The following CNOT8 variants were observed in gnomAD, a reference collection of about 807,000 sequenced individuals.
The protein encoded by CNOT8 is CCR4-NOT transcription complex subunit 8.
A neutral mutation model predicts 34.6 loss-of-function variants in CNOT8; 18 were observed. The observed-to-expected ratio is 0.52, with a 90% CI of 0.36 to 0.77. The LOEUF (loss-of-function observed/expected upper bound fraction) is 0.77, where lower values mean the gene tolerates loss of function less well. CNOT8 is among the 30% of genes least tolerant of loss of function. CNOT8 has a pLI of 0.00. For synonymous variants in CNOT8, 101 were observed against 118.8 expected (o/e 0.85, Z 0.98); for missense variants, 189 against 347.9 (o/e 0.54, Z 3.63).
intron 3 of CNOT8, among the ~76,000 whole-genome samples, chr5:154,866,303 A>G (rs1761862717): frequency 6.6e-6 from 1 of 152,196 alleles, no homozygotes; most frequent in African/African-American, 2.4e-5. Context: ...CTGGGACTAC[A>G]GGTGCACGCC....
intron 1 of CNOT8, among the ~76,000 whole-genome samples, chr5:154,861,888 C>T (rs529872069): frequency 2.2e-4 from 33 of 152,270 alleles, no homozygotes; most frequent in Non-Finnish European, 3.1e-4. Context: ...TTAGTAGAGA[C>T]GGAGTTTCAC....
At chr5:154,862,647 GTTGTAT>G (rs1274391848) in intron 1 of CNOT8, among the ~76,000 whole-genome samples, 1 of 152,148 alleles carries the variant, frequency 6.6e-6, no homozygotes, top group African/African-American at 2.4e-5. Context: ...ATTACCTCTA[GTTGTAT>G]TTGACTTTGG....
In CNOT8 at chr5:154,870,661, A is replaced by C. The variant is rs775063297; in HGVS notation, c.312A>C (p.Thr104=). ...AATAAATAAACACCTTGTTTTTTAG[A>C]GAGGACATGTACTCCCAGGATTCCA... ...TWQFNFKFNL[T]EDMYSQDSID... is the part of the protein sequence containing the mutation. The change falls in exon 4 of 7, where the codon ACA becomes ACC. Residue 104 remains threonine, a splice_region_variant and synonymous_variant. Coordinates refer to ENST00000285896, the MANE Select transcript of CNOT8 (RefSeq NM_001301073.2). 1.0e-5 allele frequency: 16 copies of C among 1,607,150 alleles called. No homozygotes were observed. The highest frequency in any genetic ancestry group is 8.6e-5 in the Admixed American group (5 of 58,008).
At chr5:154,870,473 C>T in intron 3 of CNOT8, 188 bp from the exon 4 acceptor site, 5 of 409,202 alleles carry the variant, frequency 1.2e-5, no homozygotes, top group South Asian at 4.6e-5. Flanking sequence ...TCTCATTTTT[C>T]TATCTGTCAC....
At position 154,871,641 on chromosome 5, in the gene CNOT8, G is replaced by C. The variant is rs148211774; in HGVS notation, c.474-89G>C. ...AAGTGAAAGTTCCTAACATGAAGTA[G>C]CATTTACAAGCTTTGAGAAATAAAA... On this transcript the variant is annotated intron_variant, in intron 4 of 6. Transcript: ENST00000285896. The C allele has an allele frequency of 3.9e-4, 459 of 1,170,184 alleles. 1 individual carries two copies. The highest frequency in any genetic ancestry group is 1.0e-3 in the Middle Eastern group (5 of 4,842). The allele number at this position is 1,170,184 out of a possible 1,614,324, so 72.5% of individuals were successfully genotyped here.
At chr5:154,861,103 G>A (rs1761294597) in intron 1 of CNOT8, among the ~76,000 whole-genome samples, 2 of 152,168 alleles carry the variant, frequency 1.3e-5, no homozygotes, top group African/African-American at 4.8e-5. Flanking sequence ...TATAGAAAAT[G>A]GTTTTAAGGC....
intron 1 of CNOT8, among the ~76,000 whole-genome samples, chr5:154,862,914 A>C (rs764283010): frequency 2.6e-5 from 4 of 152,216 alleles, no homozygotes; most frequent in Non-Finnish European, 4.4e-5. Flanking sequence ...ATTTTGGTCT[A>C]GTCTACAGAG....
chr5:154,862,659 T>C (rs1761465204), intron 1 of CNOT8, among the ~76,000 whole-genome samples: 1 of 152,182 alleles, frequency 6.6e-6, no homozygotes, highest in Non-Finnish European at 1.5e-5. Context: ...TGTATTTGAC[T>C]TTGGGATTGT....
rs1190995486 is a variant in CNOT8, at chr5:154,865,296, T to C, written c.222T>C (p.Ile74=). ...LLRCNVDLLK[I]IQLGLTFTNE... ...GGTGCAATGTTGACCTTTTAAAAAT[T>C]ATCCAGCTGGGCCTTACATTCACAA... The change falls in exon 3 of 7, where the codon ATT becomes ATC. Residue 74 remains isoleucine, a synonymous_variant. Transcript: ENST00000285896. 6.2e-7 allele frequency: 1 copy of C among 1,613,638 alleles called. No individual in the cohort carries two copies. The highest frequency in any genetic ancestry group is 8.5e-7 in the Non-Finnish European group (1 of 1,179,912).
In CNOT8 at chr5:154,872,001, A is replaced by G. The variant is rs1582620897; in HGVS notation, c.618+127A>G. ...ATGCTAGTGTGGTGGTAGACAGGGT[A>G]TAATATAAAGCTGATTTGGTCAGAT... On this transcript the variant is annotated intron_variant, in intron 5 of 6. Coordinates refer to ENST00000285896, the MANE Select transcript of CNOT8 (RefSeq NM_001301073.2). 4 of 761,454 alleles carry G rather than the reference A, an allele frequency of 5.3e-6. No homozygotes were observed. In the East Asian group the frequency reaches 1.1e-4, roughly 21 times the overall value. The allele number at this position is 761,454 out of a possible 1,614,324, so 47.2% of individuals were successfully genotyped here.
At chr5:154,861,318 A>G (rs974012326) in intron 1 of CNOT8, among the ~76,000 whole-genome samples, 1 of 152,190 alleles carries the variant, frequency 6.6e-6, no homozygotes, top group South Asian at 2.1e-4. Flanking sequence ...AGTTTCTACT[A>G]TGTTTTTTGG....
At chr5:154,865,776 T>C (rs765798503) in intron 3 of CNOT8, among the ~76,000 whole-genome samples, 22 of 152,350 alleles carry the variant, frequency 1.4e-4, no homozygotes, top group Non-Finnish European at 3.1e-4. Flanking sequence ...GCTGGGAATA[T>C]AGAATTTTGG....
chr5:154,867,611 C>A, intron 3 of CNOT8: 2 of 210,310 alleles, frequency 9.5e-6, no homozygotes, highest in South Asian at 9.6e-5. Flanking sequence ...ATAGATAAAG[C>A]CCCTGACCTT....
intron 6 of CNOT8, among the ~76,000 whole-genome samples, chr5:154,875,009 T>TGGG: frequency 6.6e-6 from 1 of 151,948 alleles, no homozygotes; most frequent in Middle Eastern, 3.4e-3. Flanking sequence ...CTCTGCCTCC[T>TGGG]GGGCGCAAGT....
At chr5:154,869,410 C>A (rs532286697) in intron 3 of CNOT8, among the ~76,000 whole-genome samples, 2 of 150,828 alleles carry the variant, frequency 1.3e-5, no homozygotes, top group African/African-American at 2.4e-5. Flanking sequence ...TGAGCCACCC[C>A]ACCCGGCCTT....
At position 154,869,552 on chromosome 5, in the gene CNOT8, C is replaced by G. The variant is rs1286190306; in HGVS notation, c.312-1109C>G. On this transcript the variant is annotated intron_variant, in intron 3 of 6. Transcript: ENST00000285896. ...CTTTGCCTCCTGGGTTCAAGTGATT[C>G]TCATGCCTCAACTTCCTGAGTAGCT... Among the ~76,000 whole-genome samples, 3 of 150,956 alleles carry G rather than the reference C, an allele frequency of 2.0e-5. No homozygotes were observed. In the Middle Eastern group the frequency reaches 0.01, roughly 517 times the overall value.
intron 6 of CNOT8, 24 bp downstream of exon 6, chr5:154,872,675 C>A: frequency 6.8e-7 from 1 of 1,481,388 alleles, no homozygotes; most frequent in Non-Finnish European, 9.4e-7. Context: ...AATGTGATCA[C>A]AGGCCTCTCG....
intron 2 of CNOT8, 108 bp from the exon 3 acceptor site, chr5:154,865,084 C>T: frequency 1.0e-6 from 1 of 961,822 alleles, no homozygotes; most frequent in African/African-American, 1.7e-5. Context: ...AAGTTTGGGG[C>T]TTGCCACATA....
Position 154,871,805 on chromosome 5 carries a change from T to C in CNOT8, c.549T>C (p.His183=), listed in dbSNP as rs764183713. ...CAGAAGAGGAACATGAATTCTTTCATATTCTGAACCTTTTCTTCCCATCCA... is the reference window on the plus strand; with the variant it reads ...CAGAAGAGGAACATGAATTCTTTCACATTCTGAACCTTTTCTTCCCATCCA... ...RLPEEEHEFF[H]ILNLFFPSIY... is the part of the protein sequence containing the mutation. The change falls in exon 5 of 7, where the codon CAT becomes CAC. Residue 183 remains histidine, a synonymous_variant. Transcript: ENST00000285896. 1.3e-4 allele frequency: 210 copies of C among 1,613,874 alleles called. 4 individuals are homozygous for C. The Admixed American group carries it at 3.4e-3, about 26-fold the overall frequency.
Sources: gnomAD v4.1 joint callset for allele counts (sites outside exome capture counted in the v4.1 genomes callset) on GRCh38, gnomAD v4.1.1 for gene constraint, MANE v1.5 for transcripts, NCBI Gene and HGNC (gene_info 2026-07-23, HGNC 2026-07-21) for gene names.